ATG7: variants seen among roughly 807,000 people sequenced by gnomAD.
ATG7 encodes the protein autophagy related 7.
ATG7 carries 70 observed loss-of-function variants against 82.4 expected under a neutral mutation model. The observed-to-expected ratio is 0.85, with a 90% CI of 0.70 to 1.04. ATG7 has a LOEUF of 1.04. ATG7 is among the 50% of genes least tolerant of loss of function. ATG7 has a pLI of 0.00. For missense variants in ATG7, 792 were observed against 864.3 expected (o/e 0.92, Z 1.05); for synonymous variants, 287 against 313.0 (o/e 0.92, Z 0.88).
intron 20 of ATG7, among the ~76,000 whole-genome samples, chr3:11,547,633 A>G (rs899483443): frequency 3.3e-5 from 5 of 152,174 alleles, no homozygotes; most frequent in Non-Finnish European, 5.9e-5. Context: ...TCACATTTCC[A>G]GCAGCAACGT....
the ATG7 span, among the ~76,000 whole-genome samples, chr3:11,567,880 G>C: frequency 6.6e-6 from 1 of 152,218 alleles, no homozygotes; most frequent in African/African-American, 2.4e-5. Flanking sequence ...TCCACCCCAG[G>C]TGATGCTTCC....
intron 3 of ATG7, among the ~76,000 whole-genome samples, chr3:11,297,423 G>A (rs1394309745): frequency 6.6e-6 from 1 of 152,116 alleles, no homozygotes; most frequent in Non-Finnish European, 1.5e-5. Flanking sequence ...CTGGTTGTGG[G>A]GTAATTGGAC....
intron 20 of ATG7, among the ~76,000 whole-genome samples, chr3:11,443,087 A>G (rs549112145): frequency 9.2e-5 from 14 of 152,336 alleles, no homozygotes; most frequent in Middle Eastern, 3.4e-3. Flanking sequence ...CTGTTTTGAA[A>G]TTGACTCCTC....
intron 10 of ATG7, among the ~76,000 whole-genome samples, chr3:11,332,297 A>G (rs1401632135): frequency 6.6e-6 from 1 of 152,236 alleles, no homozygotes; most frequent in African/African-American, 2.4e-5. Flanking sequence ...TACATACTCC[A>G]TGATTCCATT....
intron 20 of ATG7, among the ~76,000 whole-genome samples, chr3:11,484,137 T>G (rs2089339238): frequency 6.6e-6 from 1 of 152,150 alleles, no homozygotes; most frequent in Admixed American, 6.5e-5. Flanking sequence ...CTCACACCTG[T>G]AATCCCAGCA....
At chr3:11,348,405 G>T in intron 14 of ATG7, 1 of 190,498 alleles carries the variant, frequency 5.2e-6, no homozygotes, top group South Asian at 1.1e-4. Flanking sequence ...GTGGGTTCGT[G>T]GGGTTCCTTC....
intron 20 of ATG7, among the ~76,000 whole-genome samples, chr3:11,463,165 G>A (rs1255931066): frequency 1.3e-5 from 2 of 152,058 alleles, no homozygotes; most frequent in African/African-American, 2.4e-5. Context: ...GATTACAGGC[G>A]TGAGCCACCA....
chr3:11,398,647 G>A (rs2079532650), intron 19 of ATG7, among the ~76,000 whole-genome samples: 1 of 152,174 alleles, frequency 6.6e-6, no homozygotes, highest in Admixed American at 6.5e-5. Context: ...GAAGCCAAGA[G>A]TTTGAGACCA....
At chr3:11,299,114 G>A (rs904705837) in intron 4 of ATG7, 8 of 599,318 alleles carry the variant, frequency 1.3e-5, no homozygotes, top group Non-Finnish European at 2.0e-5. Flanking sequence ...GCTGTGGGAA[G>A]AGATTGGAAA....
At chr3:11,573,257 AAG>A in the ATG7 span, among the ~76,000 whole-genome samples, 4 of 9,168 alleles carry the variant, frequency 4.4e-4, no homozygotes, top group Non-Finnish European at 6.6e-4. Flanking sequence ...GAAAGAAAGA[AAG>A]AAAGAAAGAA....
intron 19 of ATG7, among the ~76,000 whole-genome samples, chr3:11,415,213 G>A (rs1479114977): frequency 6.6e-6 from 1 of 152,132 alleles, no homozygotes; most frequent in Non-Finnish European, 1.5e-5. Context: ...TGGTATAAAA[G>A]ATTTTTTTAA....
intron 1 of ATG7, among the ~76,000 whole-genome samples, chr3:11,279,058 G>C (rs909243956): frequency 2.0e-5 from 3 of 152,196 alleles, no homozygotes; most frequent in Admixed American, 6.5e-5. Flanking sequence ...TCCTCCCTTT[G>C]CCTGGAGAGT....
At chr3:11,364,511 C>A in intron 17 of ATG7, 148 bp from the exon 18 acceptor site, 1 of 778,882 alleles carries the variant, frequency 1.3e-6, no homozygotes, top group Non-Finnish European at 2.1e-6. Flanking sequence ...CCCTTTGTCC[C>A]AGGGAAATTA....
intron 19 of ATG7, among the ~76,000 whole-genome samples, chr3:11,384,178 T>C (rs1168005015): frequency 5.9e-5 from 9 of 152,210 alleles, no homozygotes. Context: ...TTTTCAGACC[T>C]GCAGAGTCAG....
At chr3:11,517,610 C>A (rs917066312) in intron 20 of ATG7, among the ~76,000 whole-genome samples, 84 of 152,254 alleles carry the variant, frequency 5.5e-4, no homozygotes, top group Middle Eastern at 6.8e-3. Flanking sequence ...TACTGCCTGG[C>A]CCTGGGAGGC....
chr3:11,510,355 C>T (rs916480321), intron 20 of ATG7: 25 of 440,390 alleles, frequency 5.7e-5, no homozygotes, highest in Non-Finnish European at 9.6e-5. Context: ...TCTTATTTGT[C>T]TTTGTAAGTT....
intron 5 of ATG7, among the ~76,000 whole-genome samples, chr3:11,306,262 G>A (rs138328992): frequency 0.011 from 1,694 of 152,362 alleles, 14 homozygotes; most frequent in Middle Eastern, 0.017. Flanking sequence ...CCTGTTTGGG[G>A]TGGGCTAGGT....
chr3:11,509,505 T>A (rs1456918552), intron 20 of ATG7, among the ~76,000 whole-genome samples: 2 of 151,792 alleles, frequency 1.3e-5, no homozygotes, highest in East Asian at 2.0e-4. Flanking sequence ...GACATAGACA[T>A]GTTTGCTGAC....
chr3:11,494,719 G>A (rs2090672726), intron 20 of ATG7, among the ~76,000 whole-genome samples: 1 of 152,152 alleles, frequency 6.6e-6, no homozygotes, highest in African/African-American at 2.4e-5. Context: ...TCAGATACTA[G>A]TCATAGGGCT....
Sources: gnomAD v4.1 joint callset for allele counts (sites outside exome capture counted in the v4.1 genomes callset) on GRCh38, gnomAD v4.1.1 for gene constraint, MANE v1.5 for transcripts, NCBI Gene and HGNC (gene_info 2026-07-23, HGNC 2026-07-21) for gene names.